NNT: variants seen among roughly 807,000 people sequenced by gnomAD.
NNT encodes the protein nicotinamide nucleotide transhydrogenase.
A neutral mutation model predicts 104.8 loss-of-function variants in NNT; 50 were observed. That is an observed-to-expected ratio of 0.48 (90% CI 0.38 to 0.60). The LOEUF (loss-of-function observed/expected upper bound fraction) is 0.60. Among genes scored for constraint, NNT ranks in the 20% least tolerant of loss-of-function variants. The pLI, the probability that NNT is intolerant of heterozygous loss-of-function variation, is 0.00. For missense variants in NNT, 1,131 were observed against 1,330.7 expected, an observed-to-expected ratio of 0.85 and a Z score of 2.33; for synonymous variants, 461 against 490.4, an observed-to-expected ratio of 0.94 and a Z score of 0.79.
chr5:43,697,853 G>T (rs1308225490), intron 19 of NNT, among the ~76,000 whole-genome samples: 2 of 152,136 alleles, frequency 1.3e-5, no homozygotes, highest in Admixed American at 6.5e-5. Context: ...ACTATCACGA[G>T]ACCAGCATGG....
chr5:43,674,080 C>T (rs1339795986), intron 17 of NNT, among the ~76,000 whole-genome samples: 3 of 151,380 alleles, frequency 2.0e-5, no homozygotes, highest in Non-Finnish European at 4.4e-5. Context: ...TAATAATACA[C>T]GTAAAGACAT....
chr5:43,661,012 G>T (rs902639327), intron 17 of NNT, among the ~76,000 whole-genome samples: 7 of 152,246 alleles, frequency 4.6e-5, no homozygotes, highest in African/African-American at 1.7e-4. Flanking sequence ...AAATCTCATT[G>T]TAATTTGGAA....
intron 1 of NNT, among the ~76,000 whole-genome samples, chr5:43,605,853 C>G (rs1749198398): frequency 6.6e-6 from 1 of 152,132 alleles, no homozygotes; most frequent in South Asian, 2.1e-4. Flanking sequence ...AAATTTTTCA[C>G]AGAAATGGGC....
At position 43,624,019 on chromosome 5, in the gene NNT, G is replaced by A. The variant is rs1431418886; in HGVS notation, c.688-13G>A. The A allele has an allele frequency of 6.2e-7, 1 of 1,613,454 alleles. No homozygotes were observed. The highest frequency in any genetic ancestry group is 8.5e-7 in the Non-Finnish European group (1 of 1,179,532). The stretch of plus-strand genomic sequence containing the variant: ...ATAATGAGCCTTAACACATAACTGG[G>A]TCTGTCTTCTAGATTCTGATAGTTG... On this transcript the variant is annotated splice_polypyrimidine_tract_variant and intron_variant, in intron 5 of 21. Coordinates refer to ENST00000344920, the MANE Select transcript of NNT (RefSeq NM_182977.3).
intron 14 of NNT, among the ~76,000 whole-genome samples, chr5:43,655,185 A>G (rs978165584): frequency 2.6e-5 from 4 of 152,130 alleles, no homozygotes; most frequent in Non-Finnish European, 5.9e-5. Context: ...GGGAGAATAT[A>G]AGGGAATTTG....
intron 10 of NNT, among the ~76,000 whole-genome samples, chr5:43,648,631 G>A (rs1465238048): frequency 6.6e-6 from 1 of 152,094 alleles, no homozygotes; most frequent in Non-Finnish European, 1.5e-5. Flanking sequence ...TATGTTTTGG[G>A]GAGGTGCTGG....
intron 1 of NNT, among the ~76,000 whole-genome samples, chr5:43,603,753 A>G (rs1241595549): frequency 6.6e-6 from 1 of 152,088 alleles, no homozygotes; most frequent in Non-Finnish European, 1.5e-5. Flanking sequence ...TGGCAGCTGG[A>G]TGCCCTTGAG....
At chr5:43,608,969 A>G (rs1749362207) in intron 1 of NNT, among the ~76,000 whole-genome samples, 174 bp from the exon 2 acceptor site, 1 of 152,212 alleles carries the variant, frequency 6.6e-6, no homozygotes, top group Non-Finnish European at 1.5e-5. Flanking sequence ...TGGAAAACGA[A>G]TTTTGAGCAT....
At chr5:43,647,159 G>A (rs1373341977) in intron 10 of NNT, among the ~76,000 whole-genome samples, 3 of 152,186 alleles carry the variant, frequency 2.0e-5, no homozygotes, top group Non-Finnish European at 4.4e-5. Flanking sequence ...AGCTAAACAT[G>A]TAACTCTCCT....
intron 8 of NNT, 91 bp downstream of exon 8, chr5:43,644,416 A>G: frequency 6.7e-7 from 1 of 1,487,532 alleles, no homozygotes; most frequent in South Asian, 1.2e-5. Flanking sequence ...AGAGACATTA[A>G]GGCTTGAAAT....
chr5:43,643,683 A>G (rs1022445252), intron 7 of NNT, among the ~76,000 whole-genome samples: 3 of 152,198 alleles, frequency 2.0e-5, no homozygotes, highest in Non-Finnish European at 4.4e-5. Flanking sequence ...TGTTAAATTA[A>G]GGTAGGTTAA....
chr5:43,644,591 C>G lies in NNT; in HGVS notation c.1099-20C>G, dbSNP rs1351331316. ...AACATAGGGTGATAGACCTTTTTGACTATAATTTTGTTCATTTAGGGAATT... is the reference window on the plus strand; with the variant it reads ...AACATAGGGTGATAGACCTTTTTGAGTATAATTTTGTTCATTTAGGGAATT... On this transcript the variant is annotated intron_variant, in intron 8 of 21. Coordinates refer to ENST00000344920, the MANE Select transcript of NNT (RefSeq NM_182977.3). 5 of 1,587,908 alleles carry G rather than the reference C, an allele frequency of 3.1e-6. No homozygotes were observed. Among genetic ancestry groups the G allele is most frequent in the Non-Finnish European group, 4.3e-6 (5 of 1,167,498 alleles).
chr5:43,646,487 C>T (rs551280203), intron 10 of NNT, among the ~76,000 whole-genome samples: 11 of 148,208 alleles, frequency 7.4e-5, no homozygotes, highest in South Asian at 6.4e-4. Context: ...TTTGTAGAGA[C>T]GGGGCTTCAC....
At chr5:43,672,860 C>T (rs187993384) in intron 17 of NNT, among the ~76,000 whole-genome samples, 31 of 152,314 alleles carry the variant, frequency 2.0e-4, no homozygotes, top group Admixed American at 7.8e-4. Context: ...GCCTTTTGTT[C>T]GGCTATGCCC....
At chr5:43,605,586 G>GT (rs898187098) in intron 1 of NNT, among the ~76,000 whole-genome samples, 1 of 125,976 alleles carries the variant, frequency 7.9e-6, no homozygotes, top group Non-Finnish European at 1.7e-5. Flanking sequence ...GAGTTATAAA[G>GT]TTTTTTTCTT....
chr5:43,642,456 A>G (rs1751288413), intron 7 of NNT, among the ~76,000 whole-genome samples: 1 of 152,186 alleles, frequency 6.6e-6, no homozygotes, highest in Admixed American at 6.5e-5. Context: ...GGTAGAGGAA[A>G]GGAATACTTT....
At chr5:43,628,478 T>C in intron 7 of NNT, 91 bp downstream of exon 7, 1 of 1,017,858 alleles carries the variant, frequency 9.8e-7, no homozygotes, top group Non-Finnish European at 1.4e-6. Flanking sequence ...AACATTTGAA[T>C]TTCTTTAAGG....
chr5:43,610,249 G>C (rs60376053), intron 2 of NNT, among the ~76,000 whole-genome samples: 1,788 of 143,396 alleles, frequency 0.012, 37 homozygotes, highest in African/African-American at 0.039. Context: ...TTATTGCAAA[G>C]AGCGAAAGAA....
chr5:43,658,994 A>G (rs543651394), intron 16 of NNT, among the ~76,000 whole-genome samples, 177 bp from the exon 17 acceptor site: 1 of 152,148 alleles, frequency 6.6e-6, no homozygotes, highest in East Asian at 1.9e-4. Context: ...CTCAGTGTTT[A>G]TAGTTGTTAT....
Sources: gnomAD v4.1 joint callset for allele counts (sites outside exome capture counted in the v4.1 genomes callset) on GRCh38, gnomAD v4.1.1 for gene constraint, MANE v1.5 for transcripts, NCBI Gene and HGNC (gene_info 2026-07-23, HGNC 2026-07-21) for gene names.